ANKRD30A: variants seen among roughly 807,000 people sequenced by gnomAD.
The protein encoded by ANKRD30A is ankyrin repeat domain 30A.
Under a neutral mutation model 166.3 loss-of-function variants are expected in ANKRD30A, and 170 were observed. The observed-to-expected ratio is 1.02, with a 90% CI of 0.90 to 1.16. The LOEUF is 1.16. ANKRD30A is among the 50% of genes most tolerant of loss of function. ANKRD30A has a pLI of 0.00. For synonymous variants in ANKRD30A, 564 were observed against 508.9 expected (o/e 1.11, Z -1.46); for missense variants, 1,630 against 1,518.0 (o/e 1.07, Z -1.23).
At chr10:37,218,917 C>T in intron 33 of ANKRD30A, 63 bp from the exon 34 acceptor site, 1 of 1,080,704 alleles carries the variant, frequency 9.3e-7, no homozygotes, top group East Asian at 2.5e-5. Context: ...TCTTTAGTTT[C>T]AGAGGAACCA....
rs147532576 is a variant in ANKRD30A, at chr10:37,204,580, A to C, written c.2869+3255A>C. Among the ~76,000 whole-genome samples, 1,431 of 152,294 alleles carry C rather than the reference A, an allele frequency of 9.4e-3. 35 individuals carry two copies. In the East Asian group the frequency reaches 0.095, roughly 10 times the overall value. ...TGGGCAAAGTCTTCATGACTAAAAC[A>C]CCAAAAGCAATGGCAACAAAAGCCA... On this transcript the variant is annotated intron_variant, in intron 31 of 35. Coordinates refer to ENST00000361713, the MANE Select transcript of ANKRD30A (RefSeq NM_052997.3).
chr10:37,245,874 C>T, the ANKRD30A span, among the ~76,000 whole-genome samples: 1 of 152,270 alleles, frequency 6.6e-6, no homozygotes, highest in East Asian at 1.9e-4. Flanking sequence ...ATCTCAGGCC[C>T]TAAATGTTGC....
intron 27 of ANKRD30A, among the ~76,000 whole-genome samples, chr10:37,195,642 G>T (rs923626076): frequency 2.0e-5 from 3 of 152,134 alleles, no homozygotes; most frequent in Non-Finnish European, 4.4e-5. Context: ...CGCCTGTAAT[G>T]CCAGCACGTT....
the ANKRD30A span, among the ~76,000 whole-genome samples, chr10:37,246,767 A>C: frequency 6.6e-6 from 1 of 152,162 alleles, no homozygotes; most frequent in Non-Finnish European, 1.5e-5. Flanking sequence ...TAGCATTGTC[A>C]ACATGTTGGA....
chr10:37,167,549 A>C (rs1481996972), intron 19 of ANKRD30A, among the ~76,000 whole-genome samples: 24 of 151,770 alleles, frequency 1.6e-4, no homozygotes, highest in Non-Finnish European at 2.4e-4. Flanking sequence ...TTAACATAGA[A>C]AATGTTATTA....
chr10:37,207,218 T>G (rs975183364), intron 31 of ANKRD30A, among the ~76,000 whole-genome samples: 4 of 152,172 alleles, frequency 2.6e-5, no homozygotes, highest in Admixed American at 1.3e-4. Context: ...GAGACATCAA[T>G]TTTACATTCA....
chr10:37,226,821 A>C (rs1381667170), intron 34 of ANKRD30A, among the ~76,000 whole-genome samples: 1 of 151,804 alleles, frequency 6.6e-6, no homozygotes, highest in Non-Finnish European at 1.5e-5. Flanking sequence ...TGAGGGTTCT[A>C]ATTTCTCCAC....
downstream of ANKRD30A, chr10:37,232,611 A>G (rs1843462004): frequency 7.2e-6 from 1 of 138,172 alleles, no homozygotes; most frequent in Non-Finnish European, 1.6e-5. Flanking sequence ...AGATCCCAAA[A>G]TGATGCCAGC....
At chr10:37,150,867 A>AT (rs761923395) in intron 11 of ANKRD30A, among the ~76,000 whole-genome samples, 1 of 152,104 alleles carries the variant, frequency 6.6e-6, no homozygotes, top group Non-Finnish European at 1.5e-5. Context: ...TATTTAAAGT[A>AT]TTTCCTTGTG....
chr10:37,258,303 A>G, the ANKRD30A span, among the ~76,000 whole-genome samples: 3 of 152,208 alleles, frequency 2.0e-5, no homozygotes, highest in African/African-American at 7.2e-5. Context: ...TTTTAAATGT[A>G]TTTGAAAATT....
chr10:37,223,781 G>A (rs1842999783), intron 34 of ANKRD30A, among the ~76,000 whole-genome samples: 1 of 151,076 alleles, frequency 6.6e-6, no homozygotes, highest in Non-Finnish European at 1.5e-5. Context: ...GGAAAGAAGA[G>A]TATCTCTAGA....
chr10:37,201,221 A>G lies in ANKRD30A; in HGVS notation c.2779-14A>G. On this transcript the variant is annotated splice_polypyrimidine_tract_variant and intron_variant, in intron 30 of 35. Coordinates refer to ENST00000361713, the MANE Select transcript of ANKRD30A (RefSeq NM_052997.3). ...TTTTCCATTGAAATTATTTATTGAT[A>G]TTACTTTTAACAGAGTCTCCGTGAG... The G allele has an allele frequency of 1.3e-6, 2 of 1,498,122 alleles. No individual in the cohort carries two copies. Among genetic ancestry groups the G allele is most frequent in the Non-Finnish European group, 1.8e-6 (2 of 1,115,726 alleles). The allele number at this position is 1,498,122 out of a possible 1,614,324, so 92.8% of individuals were successfully genotyped here. A position where few individuals can be genotyped will look rare whatever the true frequency, so the allele number is the denominator to read the frequency against.
intron 31 of ANKRD30A, among the ~76,000 whole-genome samples, chr10:37,212,125 G>A (rs908901094): frequency 2.6e-5 from 4 of 152,022 alleles, no homozygotes; most frequent in East Asian, 1.9e-4. Context: ...AAACCCCATC[G>A]TCTCAGCCCA....
the ANKRD30A span, among the ~76,000 whole-genome samples, chr10:37,244,273 C>T: frequency 6.6e-6 from 1 of 152,164 alleles, no homozygotes. Context: ...TAAGCAACGT[C>T]ATGTACATCA....
downstream of ANKRD30A, among the ~76,000 whole-genome samples, chr10:37,232,977 T>G (rs1358847140): frequency 6.6e-6 from 1 of 151,692 alleles, no homozygotes; most frequent in Non-Finnish European, 1.5e-5. Context: ...GTTTTCACTG[T>G]GTATCACTGT....
At chr10:37,260,864 A>G in the ANKRD30A span, among the ~76,000 whole-genome samples, 12 of 152,174 alleles carry the variant, frequency 7.9e-5, no homozygotes, top group Non-Finnish European at 8.8e-5. Flanking sequence ...GCATGTACAT[A>G]TAGATGGGAA....
intron 24 of ANKRD30A, among the ~76,000 whole-genome samples, chr10:37,179,090 G>A (rs1373457357): frequency 1.4e-5 from 2 of 138,984 alleles, no homozygotes; most frequent in African/African-American, 5.4e-5. Context: ...GTATGTTTTT[G>A]ACGTTCACAA....
the ANKRD30A span, among the ~76,000 whole-genome samples, chr10:37,254,707 G>A: frequency 1.8e-5 from 2 of 113,988 alleles, no homozygotes; most frequent in African/African-American, 6.8e-5. Flanking sequence ...TTTTTGAGAT[G>A]GAGTCTCACT....
Position 37,225,878 on chromosome 10 carries a change from A to G in ANKRD30A, c.4186-5583A>G, listed in dbSNP as rs561606281. ...GCTTTTAGTATTTTCACAGAATTAT[A>G]CAATCGTCACCACAATCTATTCTAG... On this transcript the variant is annotated intron_variant, in intron 34 of 35. Coordinates refer to ENST00000361713, the MANE Select transcript of ANKRD30A (RefSeq NM_052997.3). 2.0e-3 allele frequency among the ~76,000 whole-genome samples: 305 copies of G among 151,870 alleles called. 1 individual carries two copies. The highest frequency in any genetic ancestry group is 7.0e-3 in the African/African-American group (289 of 41,480).
Sources: gnomAD v4.1 joint callset for allele counts (sites outside exome capture counted in the v4.1 genomes callset) on GRCh38, gnomAD v4.1.1 for gene constraint, MANE v1.5 for transcripts, NCBI Gene and HGNC (gene_info 2026-07-23, HGNC 2026-07-21) for gene names.